Variants in CARM1 observed in about 807,000 individuals in gnomAD.
CARM1 encodes the protein coactivator associated arginine methyltransferase 1.
Under a neutral mutation model 72.7 loss-of-function variants are expected in CARM1, and 14 were observed. That is an observed-to-expected ratio of 0.19 (90% CI 0.13 to 0.30). CARM1 has a LOEUF of 0.30. CARM1 is among the 10% of genes least tolerant of loss of function. The pLI, the probability that CARM1 is intolerant of heterozygous loss-of-function variation, is 1.00. For synonymous variants in CARM1, 333 were observed against 345.5 expected (o/e 0.96, Z 0.40); for missense variants, 432 against 833.7 (o/e 0.52, Z 5.93).
At position 10,922,017 on chromosome 19, in the gene CARM1, G is replaced by A. The variant is rs868672706; in HGVS notation, c.*260G>A. The A allele has an allele frequency of 3.5e-5, 13 of 371,590 alleles. No homozygotes were observed. Among genetic ancestry groups the A allele is most frequent in the South Asian group, 1.1e-4 (3 of 27,358 alleles). 23.0% of individuals were successfully genotyped at this position (371,590 alleles called of 1,614,324 possible). On this transcript the variant is annotated 3_prime_UTR_variant, in exon 16 of 16. Coordinates refer to ENST00000327064, the MANE Select transcript of CARM1 (RefSeq NM_199141.2). ...GGAGCCCTCGTCCCCCCTCCTGCCC[G>A]CTCTACCCTGACCTGGGCTTGTCAT...
intron 9 of CARM1, 92 bp from the exon 10 acceptor site, chr19:10,919,785 G>A (rs760321865): frequency 2.0e-5 from 30 of 1,486,974 alleles, no homozygotes; most frequent in East Asian, 6.8e-5. Flanking sequence ...GATGGTGGGC[G>A]GGGGCCCCAG....
At chr19:10,874,284 C>T (rs1599680258) in intron 1 of CARM1, among the ~76,000 whole-genome samples, 1 of 152,152 alleles carries the variant, frequency 6.6e-6, no homozygotes, top group Non-Finnish European at 1.5e-5. Context: ...AGTCCACATT[C>T]CTCAGAGAGC....
chr19:10,917,283 G>T (rs956513301), intron 8 of CARM1, among the ~76,000 whole-genome samples: 27 of 151,972 alleles, frequency 1.8e-4, no homozygotes, highest in Admixed American at 4.6e-4. Context: ...TTAGGAGATT[G>T]AGACCAACAC....
At chr19:10,894,177 C>T (rs1231286610) in intron 1 of CARM1, among the ~76,000 whole-genome samples, 1 of 152,186 alleles carries the variant, frequency 6.6e-6, no homozygotes, top group Non-Finnish European at 1.5e-5. Context: ...CTCCTCTCAG[C>T]GCTTACTGCC....
rs1599713228 is a variant in CARM1, at chr19:10,920,977, A to C, written c.1537+31A>C. 1 of 1,612,918 alleles carries C rather than the reference A, an allele frequency of 6.2e-7. No individual in the cohort carries two copies. The highest frequency in any genetic ancestry group is 1.7e-5 in the Admixed American group (1 of 59,994). ...CAGGGCCCACCCCAATGCCCAGCCA[A>C]CCCGGGAGGCCGCCCTCGCCGCAGG... On this transcript the variant is annotated intron_variant, in intron 13 of 15. Coordinates refer to ENST00000327064, the MANE Select transcript of CARM1 (RefSeq NM_199141.2). This position sits in a 1 kb window ranked among gnomAD's most constrained non-coding sequence, Gnocchi z 5.3.
rs1201392002 is a variant in CARM1, at chr19:10,922,495, A to C, written c.*738A>C. On this transcript the variant is annotated 3_prime_UTR_variant, in exon 16 of 16. Transcript: ENST00000327064. The stretch of plus-strand genomic sequence containing the variant: ...CGCCCCCCCACTCAAGAGTTAGAGC[A>C]GGTGGCTGCAGGCCTTGGGCCCGGA... 7.9e-6 allele frequency: 1 copy of C among 125,980 alleles called. No homozygotes were observed. Among genetic ancestry groups the C allele is most frequent in the Non-Finnish European group, 1.6e-5 (1 of 62,560 alleles). 7.8% of individuals were successfully genotyped at this position (125,980 alleles called of 1,614,324 possible). A position where few individuals can be genotyped will look rare whatever the true frequency, so the allele number is the denominator to read the frequency against.
At chr19:10,872,476 G>A (rs1397376836) in intron 1 of CARM1, among the ~76,000 whole-genome samples, 2 of 152,138 alleles carry the variant, frequency 1.3e-5, no homozygotes, top group African/African-American at 2.4e-5. Flanking sequence ...CAGGACCCCC[G>A]AATGGGAAAC....
rs771505114 is a variant in CARM1, at chr19:10,909,123, G to A, written c.474G>A (p.Gln158=). ...TCCAGTTTTATGGCTACCTGTCCCA[G>A]CAGCAGAACATGATGCAGGACTACG... is the stretch of plus-strand genomic sequence containing the variant. The part of the protein sequence containing the change: ...QYFQFYGYLS[Q]QQNMMQDYVR... The change falls in exon 4 of 16, where the codon CAG becomes CAA. Residue 158 remains glutamine, a synonymous_variant. Transcript: ENST00000327064. 6.2e-7 allele frequency: 1 copy of A among 1,613,528 alleles called. No homozygotes were observed. The highest frequency in any genetic ancestry group is 1.1e-5 in the South Asian group (1 of 91,074).
intron 1 of CARM1, among the ~76,000 whole-genome samples, chr19:10,897,564 G>A (rs558225723): frequency 2.6e-5 from 4 of 152,322 alleles, no homozygotes; most frequent in Non-Finnish European, 2.9e-5. Flanking sequence ...GCAGGCCAGC[G>A]AGTAGCCCCA....
intron 1 of CARM1, among the ~76,000 whole-genome samples, chr19:10,886,335 A>G (rs1249624736): frequency 6.6e-6 from 1 of 151,694 alleles, no homozygotes; most frequent in Non-Finnish European, 1.5e-5. Context: ...CTGGGATTAC[A>G]GGCGTGAGCC....
At chr19:10,884,008 ACT>A (rs1181756701) in intron 1 of CARM1, among the ~76,000 whole-genome samples, 4 of 116,552 alleles carry the variant, frequency 3.4e-5, no homozygotes, top group African/African-American at 6.4e-5. Flanking sequence ...ACAGAGCGAG[ACT>A]CTGTTTTTTT....
intron 8 of CARM1, among the ~76,000 whole-genome samples, chr19:10,918,392 A>G (rs1319928078): frequency 6.6e-6 from 1 of 151,804 alleles, no homozygotes; most frequent in African/African-American, 2.4e-5. Context: ...TGCCCGGCTA[A>G]TTTATTTTTT....
intron 4 of CARM1, among the ~76,000 whole-genome samples, chr19:10,910,148 A>AAG (rs542753991): frequency 6.6e-6 from 1 of 152,130 alleles, no homozygotes; most frequent in African/African-American, 2.4e-5. Flanking sequence ...CTCATGATTA[A>AAG]AGAGAGAGAG....
chr19:10,876,751 T>A (rs2073867604), intron 1 of CARM1, among the ~76,000 whole-genome samples: 1 of 152,254 alleles, frequency 6.6e-6, no homozygotes, highest in South Asian at 2.1e-4. Flanking sequence ...TGGCATGGCC[T>A]CTGGAGTTCC....
At chr19:10,879,316 T>C (rs534104830) in intron 1 of CARM1, among the ~76,000 whole-genome samples, 1 of 152,320 alleles carries the variant, frequency 6.6e-6, no homozygotes, top group South Asian at 2.1e-4. Context: ...TGTAGTCACA[T>C]GATCACTGCC....
intron 1 of CARM1, among the ~76,000 whole-genome samples, chr19:10,882,001 G>A (rs1308552815): frequency 6.6e-6 from 1 of 152,118 alleles, no homozygotes; most frequent in East Asian, 1.9e-4. Context: ...GCTCTGCTTA[G>A]AGGGAGGCTG....
rs2073818102 is a variant in CARM1 at position 10,871,660 on chromosome 19, G to GGC, written c.-42_-41insCG. 2.2e-6 allele frequency: 1 copy of GGC among 447,112 alleles called. No individual in the cohort carries two copies. Among genetic ancestry groups the GGC allele is most frequent in the African/African-American group, 2.4e-5 (1 of 41,824 alleles). 27.7% of individuals were successfully genotyped at this position (447,112 alleles called of 1,614,324 possible). The stretch of plus-strand genomic sequence containing the variant: ...GCGGCAGCGGCGGCGGCCTGGGCCC[G>GGC]GGCGCAGCGGCGGCGGCGGCGGGGC... On this transcript the variant is annotated 5_prime_UTR_variant, in exon 1 of 16. Coordinates refer to ENST00000327064, the MANE Select transcript of CARM1 (RefSeq NM_199141.2). The surrounding 1 kb of genome is among the most constrained non-coding windows in gnomAD (Gnocchi z 5.6).
intron 1 of CARM1, among the ~76,000 whole-genome samples, chr19:10,874,938 C>T (rs901161457): frequency 1.3e-5 from 2 of 151,430 alleles, no homozygotes; most frequent in African/African-American, 2.4e-5. Flanking sequence ...GTGGGAGGAT[C>T]GCTTGAACCA....
intron 1 of CARM1, among the ~76,000 whole-genome samples, chr19:10,890,558 C>G (rs900309986): frequency 2.7e-5 from 4 of 150,828 alleles, no homozygotes; most frequent in African/African-American, 7.3e-5. Context: ...GTGAGCCACC[C>G]CACCGCGCCT....
Sources: allele counts gnomAD v4.1 joint callset (sites outside exome capture counted in the v4.1 genomes callset), GRCh38; gene constraint gnomAD v4.1.1; non-coding constraint Gnocchi (gnomAD v3.1); transcripts MANE v1.5; gene names NCBI Gene and HGNC (gene_info 2026-07-23, HGNC 2026-07-21).